Variants in BTBD10 observed in about 807,000 individuals in gnomAD.
BTBD10 encodes the protein BTB domain containing 10, also known as BTB/POZ domain-containing protein 10.
Under a neutral mutation model 53.2 loss-of-function variants are expected in BTBD10, and 21 were observed. The observed-to-expected ratio is 0.39, with a 90% CI of 0.28 to 0.57. The LOEUF is 0.57. BTBD10 is among the 20% of genes least tolerant of loss of function. The pLI, the probability that BTBD10 is intolerant of heterozygous loss-of-function variation, is 0.53. For missense variants in BTBD10, 360 were observed against 594.7 expected, an observed-to-expected ratio of 0.61 and a Z score of 4.10; for synonymous variants, 149 against 192.7, an observed-to-expected ratio of 0.77 and a Z score of 1.88.
Position 13,413,630 on chromosome 11 carries a change from T to C in BTBD10, c.708A>G (p.Ile236Met), listed in dbSNP as rs1565241377. 3.1e-6 allele frequency: 5 copies of C among 1,610,570 alleles called. No homozygotes were observed. The highest frequency in any genetic ancestry group is 4.2e-6 in the Non-Finnish European group (5 of 1,178,418). Reference protein sequence around the residue: ...RAILDYYKTGIIRCPDGISIP... With the variant: ...RAILDYYKTGMIRCPDGISIP... ...TAGATATGCCATCAGGACAACGGAT[T>C]ATTCCTGTTTTATAGTAATCCTGGA... The change falls in exon 6 of 9, where the codon ATA becomes ATG. Residue 236 changes from isoleucine (I) to methionine (M), a missense_variant. By Grantham distance (10) the Ile-to-Met change is conservative. This residue lies in a region of BTBD10 where 91 missense variants were observed against 171.7 expected (regional missense o/e 0.53). Transcript: ENST00000278174.
intron 6 of BTBD10, among the ~76,000 whole-genome samples, chr11:13,408,988 T>C (rs1054804767): frequency 6.6e-6 from 1 of 152,212 alleles, no homozygotes; most frequent in Non-Finnish European, 1.5e-5. Flanking sequence ...AATGGTACAA[T>C]GTGACAGCCT....
chr11:13,416,720 T>C (rs1950122895), intron 5 of BTBD10, among the ~76,000 whole-genome samples: 1 of 152,178 alleles, frequency 6.6e-6, no homozygotes. Flanking sequence ...TCAATGCCTA[T>C]AATCCCAGCA....
At chr11:13,408,868 T>C (rs984690965) in intron 6 of BTBD10, among the ~76,000 whole-genome samples, 14 of 152,306 alleles carry the variant, frequency 9.2e-5, no homozygotes, top group African/African-American at 3.4e-4. Context: ...CCCCTTTTGG[T>C]CCATTTTTAA....
At chr11:13,419,811 C>A (rs1301058418) in intron 3 of BTBD10, 66 bp from the exon 4 acceptor site, 3 of 1,304,740 alleles carry the variant, frequency 2.3e-6, no homozygotes, top group Admixed American at 5.0e-5. Flanking sequence ...TTATATATAT[C>A]TTTTTAAATG....
At position 13,419,652 on chromosome 11, in the gene BTBD10, C is replaced by G. The variant is rs747722217; in HGVS notation, c.392G>C (p.Ser131Thr). The G allele has an allele frequency of 6.8e-6, 11 of 1,614,128 alleles. No individual in the cohort carries two copies. In the South Asian group the frequency reaches 8.8e-5, roughly 13 times the overall value. ...TGAACTTGACTGACTACTGTTTCTG[C>G]TGCTGTTCCCAGCACTGCTAATGGA... is the stretch of plus-strand genomic sequence containing the variant. ...NGSISSAGNS[S>T]RNSSQSSSDG... The change falls in exon 4 of 9, where the codon AGC becomes ACC. Residue 131 changes from serine to threonine, a missense_variant. By Grantham distance (58) the Ser-to-Thr change is moderately conservative. Transcript: ENST00000278174.
intron 4 of BTBD10, 62 bp from the exon 5 acceptor site, chr11:13,417,322 A>G: frequency 8.3e-7 from 1 of 1,210,520 alleles, no homozygotes; most frequent in Non-Finnish European, 1.2e-6. Context: ...GGGAAAATAG[A>G]TTTCATGTAC....
intron 2 of BTBD10, among the ~76,000 whole-genome samples, chr11:13,435,185 A>T (rs1295495314): frequency 2.0e-5 from 3 of 151,934 alleles, no homozygotes; most frequent in Admixed American, 6.6e-5. Flanking sequence ...AAAATTTTTT[A>T]AAAATAGCTA....
intron 8 of BTBD10, among the ~76,000 whole-genome samples, chr11:13,400,140 C>G (rs993566001): frequency 2.0e-5 from 3 of 152,230 alleles, no homozygotes; most frequent in African/African-American, 7.2e-5. Context: ...GCCCTGCCCC[C>G]AAAGGGGGAG....
chr11:13,454,241 TCTCA>T lies in BTBD10; in HGVS notation c.-58+8847_-58+8850del, dbSNP rs541318235. On this transcript the variant is annotated intron_variant, in intron 1 of 8. Coordinates refer to ENST00000278174, the MANE Select transcript of BTBD10 (RefSeq NM_032320.7). Reference sequence around the variant, plus strand: ...TTGCAAAGAGCACCAATCATGTGACTCTCACTCTCAAATAAGCAAAAATTATAAC... The same window carrying T: ...TTGCAAAGAGCACCAATCATGTGACTCTCTCAAATAAGCAAAAATTATAAC... 3.2e-3 allele frequency among the ~76,000 whole-genome samples: 487 copies of T among 152,296 alleles called. 3 individuals carry two copies. The highest frequency in any genetic ancestry group is 0.011 in the African/African-American group (445 of 41,562).
rs201422634 is a variant in BTBD10, at chr11:13,418,991, TAA to T, written c.584+467_584+468del. ...CATTCCTTTTTTTTTTTTTTTTTTT[TAA>T]AAGTATCTACATCGAACTGACAATT... On this transcript the variant is annotated intron_variant, in intron 4 of 8. Coordinates refer to ENST00000278174, the MANE Select transcript of BTBD10 (RefSeq NM_032320.7). Among the ~76,000 whole-genome samples, 881 of 142,112 alleles carry T rather than the reference TAA, an allele frequency of 6.2e-3. 17 individuals carry two copies. The highest frequency in any genetic ancestry group is 0.021 in the African/African-American group (836 of 39,028). 93.2% of individuals were successfully genotyped at this position (142,112 alleles called of 152,430 possible).
At chr11:13,433,959 A>C (rs1950500811) in intron 2 of BTBD10, among the ~76,000 whole-genome samples, 1 of 152,212 alleles carries the variant, frequency 6.6e-6, no homozygotes, top group Admixed American at 6.5e-5. Context: ...TCAGTTTCCC[A>C]AGGAATAAAT....
At position 13,388,768 on chromosome 11, in the gene BTBD10, G is replaced by A; in HGVS notation, c.*63C>T. The A allele has an allele frequency of 6.6e-7, 1 of 1,506,476 alleles. No individual in the cohort carries two copies. The highest frequency in any genetic ancestry group is 9.0e-7 in the Non-Finnish European group (1 of 1,107,694). The allele number at this position is 1,506,476 out of a possible 1,614,324, so 93.3% of individuals were successfully genotyped here. On this transcript the variant is annotated 3_prime_UTR_variant, in exon 9 of 9. Transcript: ENST00000278174. Reference sequence around the variant, plus strand: ...TGAAGAAGAGTGGCCTTGCAGTGCAGAATGAGGAGAGTACAACGTCACTGT... The same window carrying A: ...TGAAGAAGAGTGGCCTTGCAGTGCAAAATGAGGAGAGTACAACGTCACTGT...
At chr11:13,455,056 G>A (rs980205861) in intron 1 of BTBD10, among the ~76,000 whole-genome samples, 2 of 152,144 alleles carry the variant, frequency 1.3e-5, no homozygotes, top group Admixed American at 1.3e-4. Flanking sequence ...GATTACAGGC[G>A]TGTGCCACCA....
In BTBD10 at chr11:13,388,538, T is replaced by A. The variant is rs1949315339; in HGVS notation, c.*293A>T. ...ACCCCAGCTGCCAATTTCCACCACTTCTGAAAAGACCTAGCTGTGTGAAAA... is the reference window on the plus strand; with the variant it reads ...ACCCCAGCTGCCAATTTCCACCACTACTGAAAAGACCTAGCTGTGTGAAAA... On this transcript the variant is annotated 3_prime_UTR_variant, in exon 9 of 9. Transcript: ENST00000278174. 2 of 273,482 alleles carry A rather than the reference T, an allele frequency of 7.3e-6. No homozygotes were observed. Among genetic ancestry groups the A allele is most frequent in the Admixed American group, 4.7e-5 (1 of 21,358 alleles). The allele number at this position is 273,482 out of a possible 1,614,324, so 16.9% of individuals were successfully genotyped here.
intron 8 of BTBD10, among the ~76,000 whole-genome samples, chr11:13,400,327 G>A (rs181125033): frequency 1.4e-4 from 21 of 152,048 alleles, no homozygotes; most frequent in African/African-American, 4.3e-4. Context: ...AGGCTCCGTG[G>A]GTGTAGGACC....
intron 2 of BTBD10, among the ~76,000 whole-genome samples, chr11:13,433,235 T>C (rs1024787096): frequency 1.3e-5 from 2 of 152,184 alleles, no homozygotes; most frequent in Non-Finnish European, 2.9e-5. Context: ...TACATTCTAC[T>C]CTTCCCCTGC....
intron 2 of BTBD10, among the ~76,000 whole-genome samples, chr11:13,442,848 T>A (rs939780555): frequency 6.6e-6 from 1 of 152,188 alleles, no homozygotes; most frequent in Non-Finnish European, 1.5e-5. Flanking sequence ...GTAACACTTT[T>A]AAAAAGTCAA....
chr11:13,448,928 A>G (rs556335048), intron 1 of BTBD10, among the ~76,000 whole-genome samples: 1 of 152,200 alleles, frequency 6.6e-6, no homozygotes, highest in Non-Finnish European at 1.5e-5. Flanking sequence ...ATATGTCACT[A>G]TTCATTACTA....
intron 2 of BTBD10, among the ~76,000 whole-genome samples, chr11:13,427,120 G>A (rs750769797): frequency 7.9e-5 from 12 of 152,164 alleles, no homozygotes; most frequent in Admixed American, 1.3e-4. Context: ...AGGAGGCTGA[G>A]GTGGGAGGAT....
Sources: allele counts gnomAD v4.1 joint callset (sites outside exome capture counted in the v4.1 genomes callset), GRCh38; gene constraint gnomAD v4.1.1; regional missense constraint gnomAD v4.1.1; transcripts MANE v1.5; gene names NCBI Gene and HGNC (gene_info 2026-07-23, HGNC 2026-07-21).